PRELID2: variants seen among roughly 807,000 people sequenced by gnomAD.
The protein encoded by PRELID2 is PRELI domain-containing protein 2.
In PRELID2, 25 loss-of-function variants were observed where a neutral mutation model predicts 28.4. That is an observed-to-expected ratio of 0.88 (90% CI 0.64 to 1.23). The LOEUF is 1.23. Ranked by LOEUF, PRELID2 falls within the 50% of genes most tolerant of loss-of-function variation. The probability of loss-of-function intolerance (pLI) is 0.00; values close to 1 mark genes in which losing one functional copy is unlikely to be tolerated. For synonymous variants in PRELID2, 76 were observed against 71.6 expected (o/e 1.06, Z -0.31); for missense variants, 201 against 214.4 (o/e 0.94, Z 0.39).
At chr5:145,768,648 G>T (rs139990950) in intron 5 of PRELID2, among the ~76,000 whole-genome samples, 8 of 152,228 alleles carry the variant, frequency 5.3e-5, no homozygotes, top group African/African-American at 1.7e-4. Context: ...AATAAGAAAA[G>T]CACACTCCTT....
the PRELID2 span, among the ~76,000 whole-genome samples, chr5:145,349,515 T>G: frequency 1.3e-5 from 2 of 152,066 alleles, no homozygotes; most frequent in African/African-American, 4.8e-5. Flanking sequence ...ACAAATCCTG[T>G]GCCTAGCAGG....
chr5:145,311,451 T>C, the PRELID2 span, among the ~76,000 whole-genome samples: 1 of 152,174 alleles, frequency 6.6e-6, no homozygotes, highest in Admixed American at 6.5e-5. Context: ...GTCTCACCAA[T>C]TGTGTAATCA....
chr5:145,504,311 G>A (rs1752387358), intron 1 of PRELID2, among the ~76,000 whole-genome samples: 1 of 152,172 alleles, frequency 6.6e-6, no homozygotes, highest in Admixed American at 6.6e-5. Context: ...GAAGATTGAA[G>A]TAGATAAGGC....
chr5:145,701,556 G>C (rs17103632), intron 1 of PRELID2, among the ~76,000 whole-genome samples: 16,190 of 152,176 alleles, frequency 0.11, 1,215 homozygotes, highest in Admixed American at 0.2. Context: ...AAAGAGGTTG[G>C]TGGAGGAGTT....
intron 1 of PRELID2, among the ~76,000 whole-genome samples, chr5:145,523,000 A>G (rs1752576982): frequency 4.6e-5 from 7 of 152,218 alleles, no homozygotes; most frequent in Admixed American, 4.6e-4. Flanking sequence ...ACAATACAGT[A>G]ATTGGTCAGG....
chr5:145,417,640 C>CA, the PRELID2 span, among the ~76,000 whole-genome samples: 2 of 151,926 alleles, frequency 1.3e-5, no homozygotes, highest in African/African-American at 4.8e-5. Flanking sequence ...GAACTAATGA[C>CA]AAAACCACAT....
intron 1 of PRELID2, 79 bp from the exon 2 acceptor site, chr5:145,823,213 G>A: frequency 3.0e-6 from 2 of 675,096 alleles, no homozygotes; most frequent in Non-Finnish European, 5.3e-6. Context: ...ACAGCTGTCT[G>A]CAGGACTAGT....
chr5:145,712,972 A>G (rs1327302721), intron 1 of PRELID2, among the ~76,000 whole-genome samples: 3 of 152,072 alleles, frequency 2.0e-5, no homozygotes, highest in African/African-American at 7.2e-5. Context: ...CAAGCTAAAG[A>G]TAGGTCAATA....
chr5:145,634,451 C>T (rs950443060), intron 1 of PRELID2, among the ~76,000 whole-genome samples: 6 of 152,144 alleles, frequency 3.9e-5, no homozygotes, highest in South Asian at 2.1e-4. Flanking sequence ...ATTCTTGAGA[C>T]CCACCAAAAT....
intron 1 of PRELID2, among the ~76,000 whole-genome samples, chr5:145,606,601 G>A (rs966518216): frequency 6.6e-6 from 1 of 152,032 alleles, no homozygotes; most frequent in African/African-American, 2.4e-5. Flanking sequence ...AACCTTGCAT[G>A]CCATGGATAA....
the PRELID2 span, among the ~76,000 whole-genome samples, chr5:145,382,928 A>G: frequency 1.3e-5 from 2 of 151,942 alleles, no homozygotes; most frequent in Non-Finnish European, 2.9e-5. Flanking sequence ...ACCAAAATAT[A>G]TAACAATGAT....
chr5:145,354,047 C>T, the PRELID2 span, among the ~76,000 whole-genome samples: 2 of 152,154 alleles, frequency 1.3e-5, no homozygotes, highest in Admixed American at 6.6e-5. Flanking sequence ...GCCAAGTAAT[C>T]TGGCTTCAGC....
At chr5:145,752,422 G>A (rs1019813456), downstream of PRELID2, among the ~76,000 whole-genome samples, 7 of 152,114 alleles carry the variant, frequency 4.6e-5, no homozygotes, top group Non-Finnish European at 8.8e-5. Context: ...TGCCACCAAT[G>A]CGACTCCAAG....
the PRELID2 span, among the ~76,000 whole-genome samples, chr5:145,350,027 C>T: frequency 1.3e-5 from 2 of 152,074 alleles, no homozygotes; most frequent in Admixed American, 1.3e-4. Context: ...ATAAATAGTG[C>T]CCTGGTAGGT....
At chr5:145,415,139 T>C in the PRELID2 span, among the ~76,000 whole-genome samples, 5 of 152,158 alleles carry the variant, frequency 3.3e-5, no homozygotes, top group Non-Finnish European at 7.3e-5. Flanking sequence ...ACTAACAGTC[T>C]CTCAGATTAG....
intron 1 of PRELID2, among the ~76,000 whole-genome samples, chr5:145,829,202 A>G (rs1041087553): frequency 2.0e-5 from 3 of 152,068 alleles, no homozygotes; most frequent in Non-Finnish European, 2.9e-5. Context: ...TGCCTGGCCA[A>G]TATCTTCTGT....
At chr5:145,452,641 G>A in the PRELID2 span, among the ~76,000 whole-genome samples, 1 of 152,050 alleles carries the variant, frequency 6.6e-6, no homozygotes, top group Non-Finnish European at 1.5e-5. Context: ...ACGTCTTTTG[G>A]TTAGGGTCTG....
At chr5:145,643,572 G>A (rs1334102789) in intron 1 of PRELID2, among the ~76,000 whole-genome samples, 1 of 152,120 alleles carries the variant, frequency 6.6e-6, no homozygotes, top group East Asian at 1.9e-4. Context: ...GGTGAGAGAG[G>A]GCATTCTTGC....
chr5:145,538,385 A>G (rs7710934), intron 1 of PRELID2, among the ~76,000 whole-genome samples: 34,398 of 151,784 alleles, frequency 0.23, 5,685 homozygotes, highest in African/African-American at 0.47. Flanking sequence ...TGTGAAGAAT[A>G]TTCTCTAAAT....
Sources: gnomAD v4.1 joint callset for allele counts (sites outside exome capture counted in the v4.1 genomes callset) on GRCh38, gnomAD v4.1.1 for gene constraint, MANE v1.5 for transcripts, NCBI Gene and HGNC (gene_info 2026-07-23, HGNC 2026-07-21) for gene names.